Variants in HS6ST3 observed in about 807,000 individuals in gnomAD.
The protein encoded by HS6ST3 is heparan-sulfate 6-O-sulfotransferase 3.
HS6ST3 carries 12 observed loss-of-function variants against 36.7 expected under a neutral mutation model. That is an observed-to-expected ratio of 0.33 (90% CI 0.21 to 0.53). The LOEUF is 0.53. HS6ST3 is among the 20% of genes least tolerant of loss of function. The pLI, the probability that HS6ST3 is intolerant of heterozygous loss-of-function variation, is 0.95. For synonymous variants in HS6ST3, 240 were observed against 257.5 expected (o/e 0.93, Z 0.65); for missense variants, 584 against 640.9 (o/e 0.91, Z 0.96).
intron 1 of HS6ST3, among the ~76,000 whole-genome samples, chr13:96,273,262 TA>T (rs1035792394): frequency 2.0e-5 from 3 of 151,964 alleles, no homozygotes; most frequent in African/African-American, 7.3e-5. Flanking sequence ...GAATCATTGA[TA>T]AAAAATAATG....
intron 1 of HS6ST3, among the ~76,000 whole-genome samples, chr13:96,424,046 A>T (rs1162441350): frequency 6.6e-6 from 1 of 152,226 alleles, no homozygotes; most frequent in Non-Finnish European, 1.5e-5. Flanking sequence ...ATTCATATTC[A>T]TATTACAAGT....
At chr13:96,423,040 A>T (rs147959824) in intron 1 of HS6ST3, among the ~76,000 whole-genome samples, 1,600 of 152,330 alleles carry the variant, frequency 0.011, 16 homozygotes, top group Middle Eastern at 0.041. Flanking sequence ...TGGGGAATAG[A>T]ACACATACAA....
intron 1 of HS6ST3, among the ~76,000 whole-genome samples, chr13:96,317,355 TATATATATATATAAAA>T (rs2054978395): frequency 1.4e-5 from 1 of 71,156 alleles, no homozygotes; most frequent in Admixed American, 1.4e-4. Context: ...TATATATATA[TATATATATATATAAAA>T]TTATATATAT....
chr13:96,252,590 C>A (rs2054612524), intron 1 of HS6ST3, among the ~76,000 whole-genome samples: 1 of 152,164 alleles, frequency 6.6e-6, no homozygotes, highest in Non-Finnish European at 1.5e-5. Flanking sequence ...AAAGTTGAGC[C>A]AGTTGCTCAG....
At position 96,750,512 on chromosome 13, in the gene HS6ST3, C is replaced by T. The variant is rs549151704; in HGVS notation, c.708-81978C>T. Among the ~76,000 whole-genome samples, 8 of 152,288 alleles carry T rather than the reference C, an allele frequency of 5.3e-5. 1 individual carries two copies. Among genetic ancestry groups the T allele is most frequent in the South Asian group, 4.1e-4 (2 of 4,830 alleles). ...CCTGATAACTCTTTCATTAATCAAA[C>T]GGGAGGAATGTTACTGTGAATGAGA... On this transcript the variant is annotated intron_variant, in intron 1 of 1. Transcript: ENST00000376705.
chr13:96,689,602 C>CTT (rs1345477696), intron 1 of HS6ST3, among the ~76,000 whole-genome samples: 6 of 27,218 alleles, frequency 2.2e-4, no homozygotes, highest in African/African-American at 1.2e-3. Context: ...TGCTTTCTTT[C>CTT]TTTCTTTTTT....
intron 1 of HS6ST3, among the ~76,000 whole-genome samples, chr13:96,194,611 T>C (rs145425345): frequency 1.2e-4 from 19 of 152,304 alleles, no homozygotes; most frequent in African/African-American, 4.1e-4. Context: ...CTATTTTTTG[T>C]GTGTGGAGTA....
intron 1 of HS6ST3, among the ~76,000 whole-genome samples, chr13:96,100,998 A>G (rs1294285443): frequency 6.6e-6 from 1 of 152,184 alleles, no homozygotes; most frequent in Admixed American, 6.5e-5. Flanking sequence ...TGAGTGCAGC[A>G]AAGGGCCGCT....
At chr13:96,092,139 G>A (rs542155405) in intron 1 of HS6ST3, among the ~76,000 whole-genome samples, 1 of 152,276 alleles carries the variant, frequency 6.6e-6, no homozygotes, top group African/African-American at 2.4e-5. Flanking sequence ...GTTCTACCGC[G>A]ATAGATAACT....
intron 1 of HS6ST3, among the ~76,000 whole-genome samples, chr13:96,241,577 T>C (rs989560829): frequency 1.3e-5 from 2 of 151,698 alleles, no homozygotes; most frequent in Non-Finnish European, 2.9e-5. Flanking sequence ...AAAAATGTTA[T>C]CACTTAGAAC....
At chr13:96,438,965 G>T (rs1168650243) in intron 1 of HS6ST3, among the ~76,000 whole-genome samples, 1 of 152,074 alleles carries the variant, frequency 6.6e-6, no homozygotes, top group African/African-American at 2.4e-5. Context: ...TACTCAAGGG[G>T]CTGAGGCAGG....
rs58232256 is a variant in HS6ST3 at position 96,674,689 on chromosome 13, G to A, written c.708-157801G>A. 8.4e-3 allele frequency among the ~76,000 whole-genome samples: 1,273 copies of A among 152,202 alleles called. 17 individuals are homozygous for A. The highest frequency in any genetic ancestry group is 0.028 in the African/African-American group (1,182 of 41,514). ...AAAGTAAATATCCCTTATTCAGCTG[G>A]GGGATGCTGGAGACACATGGAACCT... On this transcript the variant is annotated intron_variant, in intron 1 of 1. Coordinates refer to ENST00000376705, the MANE Select transcript of HS6ST3 (RefSeq NM_153456.4).
chr13:96,790,252 G>T (rs1375898164), intron 1 of HS6ST3, among the ~76,000 whole-genome samples: 1 of 141,872 alleles, frequency 7.0e-6, no homozygotes, highest in Non-Finnish European at 1.5e-5. Context: ...CTCCCAATCT[G>T]CTGATAAAAC....
At chr13:96,220,914 T>C (rs2054451839) in intron 1 of HS6ST3, among the ~76,000 whole-genome samples, 1 of 152,216 alleles carries the variant, frequency 6.6e-6, no homozygotes, top group Non-Finnish European at 1.5e-5. Context: ...ATTACTCAAT[T>C]ACGCAATTTG....
chr13:96,722,829 T>C (rs1441103755), intron 1 of HS6ST3, among the ~76,000 whole-genome samples: 1 of 152,078 alleles, frequency 6.6e-6, no homozygotes, highest in African/African-American at 2.4e-5. Context: ...ATACAAAAAT[T>C]AGCTGGGCAT....
chr13:96,158,958 C>A (rs1392831625), intron 1 of HS6ST3, among the ~76,000 whole-genome samples: 2 of 152,106 alleles, frequency 1.3e-5, no homozygotes, highest in African/African-American at 2.4e-5. Context: ...CAGAAACTGT[C>A]ACTTAGTGAA....
intron 1 of HS6ST3, among the ~76,000 whole-genome samples, chr13:96,363,148 C>CCA (rs921027628): frequency 1.3e-4 from 20 of 151,820 alleles, no homozygotes; most frequent in African/African-American, 4.4e-4. Flanking sequence ...CTCACACACA[C>CCA]CACACACACA....
At position 96,799,981 on chromosome 13, in the gene HS6ST3, T is replaced by C. The variant is rs535187065; in HGVS notation, c.708-32509T>C. 6.7e-5 allele frequency among the ~76,000 whole-genome samples: 6 copies of C among 89,824 alleles called. No homozygotes were observed. The East Asian group carries it at 1.6e-3, about 24-fold the overall frequency. The allele number at this position is 89,824 out of a possible 152,430, so 58.9% of individuals were successfully genotyped here. A position where few individuals can be genotyped will look rare whatever the true frequency, so the allele number is the denominator to read the frequency against. On this transcript the variant is annotated intron_variant, in intron 1 of 1. Transcript: ENST00000376705. ...ATATATATGTGTATATATATATATA[T>C]GTATATATATATATATGTATATATA...
intron 1 of HS6ST3, among the ~76,000 whole-genome samples, chr13:96,388,248 G>A (rs975744839): frequency 1.3e-5 from 2 of 152,144 alleles, no homozygotes; most frequent in Admixed American, 6.6e-5. Flanking sequence ...AGTCATTTGA[G>A]TAATGAGTTG....
Sources: allele counts gnomAD v4.1 joint callset (sites outside exome capture counted in the v4.1 genomes callset), GRCh38; gene constraint gnomAD v4.1.1; transcripts MANE v1.5; gene names NCBI Gene and HGNC (gene_info 2026-07-23, HGNC 2026-07-21).